The following GORASP2 variants were observed in gnomAD, a reference collection of about 807,000 sequenced individuals.
The protein encoded by GORASP2 is golgi reassembly stacking protein 2.
A neutral mutation model predicts 45.7 loss-of-function variants in GORASP2; 22 were observed. That is an observed-to-expected ratio of 0.48 (90% CI 0.34 to 0.69). The LOEUF (loss-of-function observed/expected upper bound fraction) is 0.69. Among genes scored for constraint, GORASP2 ranks in the 30% least tolerant of loss-of-function variants. The pLI is 0.01. For missense variants in GORASP2, 491 were observed against 562.7 expected (o/e 0.87, Z 1.29); for synonymous variants, 221 against 215.6 (o/e 1.02, Z -0.22).
intron 2 of GORASP2, 102 bp from the exon 3 acceptor site, chr2:170,949,437 T>C (rs1034897711): frequency 1.4e-6 from 1 of 739,988 alleles, no homozygotes; most frequent in African/African-American, 1.8e-5. Context: ...TTGAATGTTT[T>C]ATTTATGTTG....
chr2:170,931,217 C>A (rs1406439010), intron 1 of GORASP2, among the ~76,000 whole-genome samples: 1 of 152,096 alleles, frequency 6.6e-6, no homozygotes, highest in Non-Finnish European at 1.5e-5. Flanking sequence ...ATGTTGCACA[C>A]GATGAAATAA....
chr2:170,929,677 G>C (rs1030225238), intron 1 of GORASP2: 1 of 628,548 alleles, frequency 1.6e-6, no homozygotes, highest in Non-Finnish European at 3.0e-6. Context: ...GCCCTGGGAA[G>C]GGGGGACAAC....
chr2:170,947,732 G>A (rs1704210285), intron 1 of GORASP2, among the ~76,000 whole-genome samples: 1 of 152,152 alleles, frequency 6.6e-6, no homozygotes, highest in Non-Finnish European at 1.5e-5. Context: ...ACTGTCTGCT[G>A]TGTCCCCTGC....
rs1704681101 is a variant in GORASP2 at position 170,966,056 on chromosome 2, G to A, written c.1285G>A (p.Val429Ile). 1 of 1,614,120 alleles carries A rather than the reference G, an allele frequency of 6.2e-7. No homozygotes were observed. The highest frequency in any genetic ancestry group is 1.1e-5 in the South Asian group (1 of 91,070). Residue 429 changes from valine to isoleucine, a missense_variant, in exon 10 of 10, where the codon GTC becomes ATC. Transcript: ENST00000234160. Reference protein sequence around the residue: ...AKAPTTVEDRVGDSTPVSEKP... With the variant: ...AKAPTTVEDRIGDSTPVSEKP... ...GGCCCCCACCACCGTTGAGGACAGA[G>A]TCGGCGACTCCACCCCAGTCAGCGA...
intron 1 of GORASP2, chr2:170,936,713 A>G: frequency 9.3e-7 from 1 of 1,080,380 alleles, no homozygotes; most frequent in Non-Finnish European, 1.3e-6. Context: ...CAGCTACTCC[A>G]ATCAGGAGAC....
At chr2:170,951,678 AAG>A (rs1028001507) in intron 5 of GORASP2, 6 of 293,442 alleles carry the variant, frequency 2.0e-5, no homozygotes, top group Middle Eastern at 9.5e-4. Context: ...TTACTAACCT[AAG>A]AGCTAACAGC....
intron 4 of GORASP2, 139 bp downstream of exon 4, chr2:170,950,429 G>A (rs1704273839): frequency 2.0e-6 from 1 of 510,228 alleles, no homozygotes; most frequent in Non-Finnish European, 3.5e-6. Flanking sequence ...AAGCCTCAGG[G>A]TGTTAAATGG....
intron 6 of GORASP2, among the ~76,000 whole-genome samples, chr2:170,955,370 T>G (rs766641072): frequency 1.3e-5 from 2 of 152,108 alleles, no homozygotes; most frequent in Non-Finnish European, 2.9e-5. Context: ...GCTATGTGTG[T>G]GGGGGTCATG....
chr2:170,963,110 C>T (rs777774901), intron 9 of GORASP2, among the ~76,000 whole-genome samples, 164 bp downstream of exon 9: 7 of 152,136 alleles, frequency 4.6e-5, no homozygotes, highest in Non-Finnish European at 8.8e-5. Flanking sequence ...AAGAGGATCA[C>T]GCCTGTAATC....
At chr2:170,936,845 C>T in intron 1 of GORASP2, 1 of 302,090 alleles carries the variant, frequency 3.3e-6, no homozygotes, top group South Asian at 2.8e-5. Flanking sequence ...GCTATCCTCA[C>T]ACCACTGCAC....
chr2:170,963,874 G>A (rs540313837), intron 9 of GORASP2, among the ~76,000 whole-genome samples: 1 of 152,114 alleles, frequency 6.6e-6, no homozygotes, highest in Admixed American at 6.5e-5. Context: ...TGAATTCCTG[G>A]GCTCAAGCAA....
chr2:170,958,654 T>TG (rs1491369130), intron 7 of GORASP2, among the ~76,000 whole-genome samples: 2 of 31,788 alleles, frequency 6.3e-5, no homozygotes, highest in Non-Finnish European at 1.5e-4. Context: ...CCAGATGCTC[T>TG]TTTTTTTTTT....
At chr2:170,933,886 G>A (rs534260265) in intron 1 of GORASP2, among the ~76,000 whole-genome samples, 2 of 152,290 alleles carry the variant, frequency 1.3e-5, no homozygotes, top group South Asian at 2.1e-4. Context: ...AATGTGTCAC[G>A]AGTGTAATAA....
At chr2:170,955,538 A>T (rs1488432428) in intron 6 of GORASP2, among the ~76,000 whole-genome samples, 3 of 152,254 alleles carry the variant, frequency 2.0e-5, no homozygotes, top group African/African-American at 7.2e-5. Context: ...ATACCCAAAA[A>T]GAAAATGCTG....
At chr2:170,957,918 C>G (rs1704466820) in intron 7 of GORASP2, among the ~76,000 whole-genome samples, 1 of 152,182 alleles carries the variant, frequency 6.6e-6, no homozygotes, top group African/African-American at 2.4e-5. Flanking sequence ...CTTGGCCTCC[C>G]AAATTGTTGG....
upstream of GORASP2, chr2:170,928,630 G>T (rs1002283103): frequency 1.3e-5 from 2 of 152,186 alleles, no homozygotes; most frequent in African/African-American, 2.4e-5. Context: ...TCCCACGCTG[G>T]CATCGCTCTG....
intron 1 of GORASP2, among the ~76,000 whole-genome samples, chr2:170,947,923 C>A (rs879904280): frequency 1.3e-5 from 2 of 152,082 alleles, no homozygotes; most frequent in Non-Finnish European, 2.9e-5. Context: ...GAGTTCAGGA[C>A]CAGCCTGGGC....
At chr2:170,932,706 G>C (rs548911445) in intron 1 of GORASP2, among the ~76,000 whole-genome samples, 2 of 152,294 alleles carry the variant, frequency 1.3e-5, no homozygotes, top group South Asian at 4.1e-4. Flanking sequence ...ACCATCTAAA[G>C]GCAAATACTG....
intron 1 of GORASP2, 69 bp downstream of exon 1, chr2:170,929,472 C>A: frequency 1.7e-6 from 2 of 1,172,420 alleles, no homozygotes. Flanking sequence ...AGGCGGAGGC[C>A]CCCATGGGCT....
Sources: allele counts gnomAD v4.1 joint callset (sites outside exome capture counted in the v4.1 genomes callset), GRCh38; gene constraint gnomAD v4.1.1; transcripts MANE v1.5; gene names NCBI Gene and HGNC (gene_info 2026-07-23, HGNC 2026-07-21).